Variants in VPS13B observed in about 807,000 individuals in gnomAD.
VPS13B encodes the protein vacuolar protein sorting 13 homolog B.
A neutral mutation model predicts 426.4 loss-of-function variants in VPS13B; 285 were observed. That is an observed-to-expected ratio of 0.67 (90% CI 0.61 to 0.74). VPS13B has a LOEUF of 0.74. Among genes scored for constraint, VPS13B ranks in the 30% least tolerant of loss-of-function variants. VPS13B has a pLI of 0.00. For missense variants in VPS13B, 4,537 were observed against 4,782.6 expected (o/e 0.95, Z 1.51); for synonymous variants, 1,676 against 1,676.4 (o/e 1.00, Z 0.01).
chr8:99,525,161 G>A (rs1206304265), intron 30 of VPS13B, among the ~76,000 whole-genome samples: 2 of 152,142 alleles, frequency 1.3e-5, no homozygotes, highest in African/African-American at 2.4e-5. Context: ...TATAATTGTG[G>A]TATGTGAACT....
At chr8:99,065,968 A>C (rs1844479997) in intron 3 of VPS13B, among the ~76,000 whole-genome samples, 1 of 152,244 alleles carries the variant, frequency 6.6e-6, no homozygotes, top group South Asian at 2.1e-4. Context: ...CTCTTCAAGG[A>C]GAACTACAAA....
chr8:99,809,387 T>C lies in VPS13B; in HGVS notation c.7954T>C (p.Cys2652Arg), dbSNP rs1343091132. 6 of 1,613,914 alleles carry C rather than the reference T, an allele frequency of 3.7e-6. No individual in the cohort carries two copies. Residue 2652 changes from cysteine to arginine, a missense_variant, in exon 44 of 62, where the codon TGT becomes CGT. Coordinates refer to ENST00000357162, the MANE Select transcript of VPS13B (RefSeq NM_152564.5). ...SHKSPQLLHI[C>R]IEGWGNWRWS... ...TTTTTTTCTCCAGCTGTTACACATC[T>C]GTATTGAAGGTTGGGGCAACTGGCG...
At chr8:99,478,447 G>GTTTTTTTTTTGTTTGTTTT (rs1819824252) in intron 24 of VPS13B, among the ~76,000 whole-genome samples, 1 of 85,778 alleles carries the variant, frequency 1.2e-5, no homozygotes, top group African/African-American at 5.1e-5. Context: ...TTTTTGTTTT[G>GTTTTTTTTTTGTTTGTTTT]TTTTTTTTTT....
chr8:99,844,199 C>G (rs1045592576), intron 54 of VPS13B, among the ~76,000 whole-genome samples: 11 of 152,080 alleles, frequency 7.2e-5, no homozygotes, highest in African/African-American at 2.7e-4. Context: ...AGACTGGTAG[C>G]TTATAAACAA....
intron 17 of VPS13B, among the ~76,000 whole-genome samples, chr8:99,226,600 AAT>A (rs1446647539): frequency 2.0e-5 from 3 of 152,156 alleles, no homozygotes; most frequent in Non-Finnish European, 4.4e-5. Flanking sequence ...ATTGGGTCAA[AAT>A]TAAGGACACT....
intron 40 of VPS13B, among the ~76,000 whole-genome samples, chr8:99,768,169 T>C (rs1026236013): frequency 1.3e-5 from 2 of 152,206 alleles, no homozygotes. Flanking sequence ...TGTGAGGCTA[T>C]GCTGTTCATT....
chr8:99,028,819 A>C (rs1164118042), intron 2 of VPS13B, among the ~76,000 whole-genome samples: 1 of 71,320 alleles, frequency 1.4e-5, no homozygotes, highest in Non-Finnish European at 2.7e-5. Context: ...CTCACCTCCC[A>C]GATGGGGCGG....
chr8:99,743,219 A>G (rs1295036200), intron 39 of VPS13B, among the ~76,000 whole-genome samples: 1 of 152,232 alleles, frequency 6.6e-6, no homozygotes, highest in Non-Finnish European at 1.5e-5. Flanking sequence ...GCTCCCATTC[A>G]CAATTGCTTC....
intron 31 of VPS13B, among the ~76,000 whole-genome samples, chr8:99,565,050 G>A (rs1230611180): frequency 6.6e-6 from 1 of 152,158 alleles, no homozygotes; most frequent in Non-Finnish European, 1.5e-5. Flanking sequence ...GGATACTAGT[G>A]CTTTAGGGGG....
intron 55 of VPS13B, among the ~76,000 whole-genome samples, chr8:99,852,492 A>ACTT (rs1816342001): frequency 6.6e-6 from 1 of 152,254 alleles, no homozygotes; most frequent in South Asian, 2.1e-4. Context: ...CTGAGGTCAG[A>ACTT]GAAGTAGAAG....
chr8:99,781,603 C>A (rs181517889), intron 42 of VPS13B, among the ~76,000 whole-genome samples: 3 of 152,108 alleles, frequency 2.0e-5, no homozygotes, highest in Non-Finnish European at 2.9e-5. Flanking sequence ...AGAAATAGTT[C>A]CCTGAGGACT....
At chr8:99,844,370 T>C (rs1815867072) in intron 54 of VPS13B, among the ~76,000 whole-genome samples, 1 of 151,274 alleles carries the variant, frequency 6.6e-6, no homozygotes, top group African/African-American at 2.4e-5. Context: ...AGGCTTTTTT[T>C]TTTTTTTTTT....
intron 40 of VPS13B, among the ~76,000 whole-genome samples, chr8:99,768,990 A>C (rs77081584): frequency 0.035 from 5,346 of 152,310 alleles, 136 homozygotes; most frequent in Non-Finnish European, 0.05. Context: ...CCATCGAAAG[A>C]AGCATTGTAG....
In VPS13B at chr8:99,587,043, G is replaced by C. The variant is rs896933202; in HGVS notation, c.5220+9410G>C. On this transcript the variant is annotated intron_variant, in intron 33 of 61. Coordinates refer to ENST00000357162, the MANE Select transcript of VPS13B (RefSeq NM_152564.5). ...TGTGTCCAAGTGTTCTCATTGTTCA[G>C]TTCCCACCTATGAGTGAGAACATGC... 4.6e-5 allele frequency among the ~76,000 whole-genome samples: 7 copies of C among 152,102 alleles called. No individual in the cohort carries two copies. In the East Asian group the frequency reaches 1.4e-3, roughly 29 times the overall value.
At chr8:99,157,043 G>A (rs1003817702) in intron 15 of VPS13B, among the ~76,000 whole-genome samples, 1 of 152,092 alleles carries the variant, frequency 6.6e-6, no homozygotes, top group African/African-American at 2.4e-5. Flanking sequence ...ATGTGAAAGA[G>A]CACTTAGTTT....
intron 3 of VPS13B, among the ~76,000 whole-genome samples, chr8:99,066,592 G>T (rs1449323314): frequency 6.6e-6 from 1 of 152,170 alleles, no homozygotes; most frequent in Non-Finnish European, 1.5e-5. Context: ...ATAGGCATGG[G>T]CAAGGACTTC....
intron 33 of VPS13B, among the ~76,000 whole-genome samples, chr8:99,586,227 T>C (rs2133827829): frequency 6.6e-6 from 1 of 152,348 alleles, no homozygotes; most frequent in African/African-American, 2.4e-5. Context: ...TATAGGTTCC[T>C]GATTCTTAAA....
chr8:99,831,487 A>C (rs1039169494), intron 51 of VPS13B, among the ~76,000 whole-genome samples: 1 of 152,184 alleles, frequency 6.6e-6, no homozygotes, highest in Non-Finnish European at 1.5e-5. Context: ...CTTTGTCTGC[A>C]CTTTTACCTC....
chr8:99,135,937 A>G (rs937570655), intron 11 of VPS13B, among the ~76,000 whole-genome samples: 16 of 152,038 alleles, frequency 1.1e-4, no homozygotes, highest in Non-Finnish European at 2.2e-4. Context: ...ATGTAAACAT[A>G]TTTTGCTTAT....
Sources: allele counts gnomAD v4.1 joint callset (sites outside exome capture counted in the v4.1 genomes callset), GRCh38; gene constraint gnomAD v4.1.1; transcripts MANE v1.5; gene names NCBI Gene and HGNC (gene_info 2026-07-23, HGNC 2026-07-21).